The following GRM3 variants were observed in gnomAD, a reference collection of about 807,000 sequenced individuals.
The protein encoded by GRM3 is glutamate metabotropic receptor 3, also known as metabotropic glutamate receptor 3.
GRM3 carries 26 observed loss-of-function variants against 70.5 expected under a neutral mutation model. The ratio of observed to expected loss-of-function variants is 0.37; its 90% CI spans 0.27 to 0.51. The LOEUF (loss-of-function observed/expected upper bound fraction) is 0.51, where lower values mean the gene tolerates loss of function less well. Among genes scored for constraint, GRM3 ranks in the 20% least tolerant of loss-of-function variants. GRM3 has a pLI of 0.93. For missense variants in GRM3, 859 were observed against 1,123.8 expected (o/e 0.76, Z 3.37); for synonymous variants, 443 against 434.9 (o/e 1.02, Z -0.23).
At chr7:86,728,619 C>T (rs1795647584) in intron 1 of GRM3, among the ~76,000 whole-genome samples, 1 of 152,200 alleles carries the variant, frequency 6.6e-6, no homozygotes, top group South Asian at 2.1e-4. Flanking sequence ...ACCTCATCAT[C>T]TTCCCTCCTC....
intron 3 of GRM3, among the ~76,000 whole-genome samples, chr7:86,819,594 G>T (rs183409791): frequency 6.6e-6 from 1 of 152,110 alleles, no homozygotes; most frequent in Non-Finnish European, 1.5e-5. Flanking sequence ...AGCAGGCCTA[G>T]GGGGACAAGC....
At chr7:86,766,059 C>G (rs995838171) in intron 2 of GRM3, among the ~76,000 whole-genome samples, 2 of 152,090 alleles carry the variant, frequency 1.3e-5, no homozygotes, top group Non-Finnish European at 2.9e-5. Flanking sequence ...AAAGCTCTTT[C>G]AAGTTTCTGC....
At chr7:86,726,259 G>T (rs1281274250) in intron 1 of GRM3, among the ~76,000 whole-genome samples, 2 of 152,158 alleles carry the variant, frequency 1.3e-5, no homozygotes, top group Admixed American at 1.3e-4. Flanking sequence ...ACCCCAAAGT[G>T]TGGGCAGAGG....
chr7:86,715,605 A>G (rs1795295375), intron 1 of GRM3, among the ~76,000 whole-genome samples: 1 of 151,972 alleles, frequency 6.6e-6, no homozygotes, highest in African/African-American at 2.4e-5. Flanking sequence ...CCTAACACAA[A>G]TAGATGTTTA....
intron 1 of GRM3, among the ~76,000 whole-genome samples, chr7:86,666,968 C>A (rs937548226): frequency 6.6e-6 from 1 of 151,986 alleles, no homozygotes; most frequent in Non-Finnish European, 1.5e-5. Flanking sequence ...TTGTCATAGG[C>A]GACTATGAAA....
chr7:86,781,793 AATATAAGACTTT>A (rs1185902935), intron 2 of GRM3, among the ~76,000 whole-genome samples: 1 of 152,150 alleles, frequency 6.6e-6, no homozygotes, highest in African/African-American at 2.4e-5. Flanking sequence ...TAAATATAGA[AATATAAGACTTT>A]ATATAAGACT....
chr7:86,737,718 G>T (rs1429086814), intron 1 of GRM3, among the ~76,000 whole-genome samples: 1 of 152,134 alleles, frequency 6.6e-6, no homozygotes, highest in African/African-American at 2.4e-5. Context: ...TTATCAAGGG[G>T]CAGCTTTGCT....
intron 1 of GRM3, among the ~76,000 whole-genome samples, chr7:86,706,432 T>C (rs1795058613): frequency 6.6e-6 from 1 of 152,046 alleles, no homozygotes; most frequent in Non-Finnish European, 1.5e-5. Flanking sequence ...ACCACATATG[T>C]CAAATGGCAA....
intron 3 of GRM3, among the ~76,000 whole-genome samples, chr7:86,792,337 G>C (rs1797438407): frequency 6.6e-6 from 1 of 152,166 alleles, no homozygotes; most frequent in Admixed American, 6.5e-5. Context: ...TCAACTGTCA[G>C]AGTGATGTGG....
At chr7:86,813,004 T>G (rs1797942596) in intron 3 of GRM3, among the ~76,000 whole-genome samples, 1 of 151,764 alleles carries the variant, frequency 6.6e-6, no homozygotes, top group African/African-American at 2.4e-5. Flanking sequence ...CCTTTAGAGA[T>G]ATAATATGAT....
intron 3 of GRM3, among the ~76,000 whole-genome samples, chr7:86,794,972 T>A (rs2116594349): frequency 6.6e-6 from 1 of 152,226 alleles, no homozygotes; most frequent in Non-Finnish European, 1.5e-5. Context: ...AAAATCATAT[T>A]CATACACACA....
At chr7:86,718,956 T>C (rs1172546837) in intron 1 of GRM3, among the ~76,000 whole-genome samples, 1 of 151,950 alleles carries the variant, frequency 6.6e-6, no homozygotes, top group Admixed American at 6.6e-5. Flanking sequence ...TCTGGCAAGG[T>C]AGAATTGAAA....
intron 3 of GRM3, among the ~76,000 whole-genome samples, chr7:86,798,164 A>T (rs1426496330): frequency 6.6e-6 from 1 of 152,176 alleles, no homozygotes; most frequent in African/African-American, 2.4e-5. Flanking sequence ...CCCCACACAG[A>T]TTCCCCATCT....
intron 1 of GRM3, among the ~76,000 whole-genome samples, chr7:86,652,749 C>T (rs1398643430): frequency 2.0e-5 from 3 of 152,162 alleles, no homozygotes; most frequent in East Asian, 3.8e-4. Flanking sequence ...TTATACTCCC[C>T]CATGTATTGA....
chr7:86,812,903 A>G (rs1797939673), intron 3 of GRM3, among the ~76,000 whole-genome samples: 1 of 151,712 alleles, frequency 6.6e-6, no homozygotes. Flanking sequence ...GCTCTATGTA[A>G]TGAACAACTA....
chr7:86,659,240 C>T (rs529296100), intron 1 of GRM3, among the ~76,000 whole-genome samples: 13 of 152,168 alleles, frequency 8.5e-5, no homozygotes, highest in African/African-American at 2.9e-4. Context: ...AAAATGAATG[C>T]GGTTAACACA....
intron 1 of GRM3, among the ~76,000 whole-genome samples, chr7:86,660,707 G>C (rs1057486072): frequency 1.3e-5 from 2 of 151,938 alleles, no homozygotes; most frequent in Non-Finnish European, 2.9e-5. Flanking sequence ...TTCTAGCAAA[G>C]AGGAGGTTTA....
At chr7:86,672,542 C>T (rs1794197541) in intron 1 of GRM3, among the ~76,000 whole-genome samples, 1 of 152,102 alleles carries the variant, frequency 6.6e-6, no homozygotes, top group African/African-American at 2.4e-5. Context: ...CAGTGCCTTT[C>T]CTCCAGATAC....
At chr7:86,647,839 T>G (rs993953160) in intron 1 of GRM3, among the ~76,000 whole-genome samples, 1 of 152,190 alleles carries the variant, frequency 6.6e-6, no homozygotes, top group Admixed American at 6.5e-5. Flanking sequence ...GCCTACTGTA[T>G]TTTGGAGTAC....
Sources: allele counts gnomAD v4.1 joint callset (sites outside exome capture counted in the v4.1 genomes callset), GRCh38; gene constraint gnomAD v4.1.1; transcripts MANE v1.5; gene names NCBI Gene and HGNC (gene_info 2026-07-23, HGNC 2026-07-21).